Variants in CPPED1 observed in about 807,000 individuals in gnomAD.
CPPED1 encodes serine/threonine-protein phosphatase CPPED1.
A neutral mutation model predicts 28.0 loss-of-function variants in CPPED1; 28 were observed. That is an observed-to-expected ratio of 1.00 (90% CI 0.74 to 1.37). The LOEUF (loss-of-function observed/expected upper bound fraction) is 1.37. CPPED1 is among the 40% of genes most tolerant of loss of function. The pLI is 0.00. For synonymous variants in CPPED1, 198 were observed against 180.2 expected (o/e 1.10, Z -0.79); for missense variants, 504 against 416.5 (o/e 1.21, Z -1.83).
chr16:12,775,177 T>A (rs1432027644), intron 2 of CPPED1, among the ~76,000 whole-genome samples: 2 of 152,138 alleles, frequency 1.3e-5, no homozygotes, highest in African/African-American at 4.8e-5. Context: ...CCTCCCCATG[T>A]GATGTTCTGT....
At chr16:12,763,138 A>G (rs920563577) in intron 2 of CPPED1, among the ~76,000 whole-genome samples, 1 of 151,524 alleles carries the variant, frequency 6.6e-6, no homozygotes, top group Admixed American at 6.6e-5. Context: ...AGGCTGAGGC[A>G]GGAGAATTGC....
chr16:12,690,341 C>T (rs1567276717), intron 3 of CPPED1, among the ~76,000 whole-genome samples: 1 of 151,398 alleles, frequency 6.6e-6, no homozygotes, highest in Non-Finnish European at 1.5e-5. Context: ...CGGTGAAACC[C>T]AGTCTTTATT....
intron 3 of CPPED1, among the ~76,000 whole-genome samples, chr16:12,681,841 C>A (rs1411295284): frequency 6.6e-6 from 1 of 152,100 alleles, no homozygotes; most frequent in African/African-American, 2.4e-5. Context: ...GACTTAGAAT[C>A]AGAAAGGACA....
At chr16:12,720,967 T>C (rs978853304) in intron 2 of CPPED1, among the ~76,000 whole-genome samples, 2 of 152,218 alleles carry the variant, frequency 1.3e-5, no homozygotes, top group African/African-American at 4.8e-5. Context: ...ATGAATGGCA[T>C]GTTGCCATAG....
intron 2 of CPPED1, among the ~76,000 whole-genome samples, chr16:12,715,252 C>A (rs1212688592): frequency 6.6e-6 from 1 of 152,128 alleles, no homozygotes; most frequent in African/African-American, 2.4e-5. Flanking sequence ...TCTTCCTTTT[C>A]AAGGTTGTTT....
chr16:12,791,570 G>A (rs748546661), intron 1 of CPPED1, among the ~76,000 whole-genome samples: 4 of 152,148 alleles, frequency 2.6e-5, no homozygotes, highest in Non-Finnish European at 5.9e-5. Flanking sequence ...CCCTGCAGCA[G>A]CCCCACCTTA....
intron 3 of CPPED1, among the ~76,000 whole-genome samples, chr16:12,701,273 T>C (rs1045413728): frequency 6.6e-6 from 1 of 151,864 alleles, no homozygotes; most frequent in Non-Finnish European, 1.5e-5. Flanking sequence ...CTCACACCCG[T>C]AATTCCAGCA....
At chr16:12,750,857 A>G (rs2080323378) in intron 2 of CPPED1, among the ~76,000 whole-genome samples, 1 of 151,940 alleles carries the variant, frequency 6.6e-6, no homozygotes, top group South Asian at 2.1e-4. Flanking sequence ...TATACCAGCT[A>G]CTCGGGAGGC....
intron 2 of CPPED1, among the ~76,000 whole-genome samples, chr16:12,744,573 C>T (rs8059402): frequency 0.57 from 85,920 of 151,890 alleles, 24,478 homozygotes; most frequent in Admixed American, 0.62. Flanking sequence ...CTACAGGCGT[C>T]GGACTGCAGG....
intron 3 of CPPED1, among the ~76,000 whole-genome samples, chr16:12,691,025 C>T (rs967543761): frequency 2.6e-5 from 4 of 152,204 alleles, no homozygotes; most frequent in Non-Finnish European, 4.4e-5. Flanking sequence ...CCCGTGCCCA[C>T]GGTGCATTCT....
At chr16:12,802,891 G>A (rs2080669085) in intron 1 of CPPED1, among the ~76,000 whole-genome samples, 1 of 152,212 alleles carries the variant, frequency 6.6e-6, no homozygotes, top group Non-Finnish European at 1.5e-5. Context: ...ACACAAGCCT[G>A]ATCATATAGG....
intron 2 of CPPED1, among the ~76,000 whole-genome samples, chr16:12,716,592 T>C (rs76938958): frequency 0.034 from 5,159 of 152,332 alleles, 128 homozygotes; most frequent in East Asian, 0.1. Context: ...ACTTCAGTCC[T>C]ATTTGGGATT....
chr16:12,793,355 G>T (rs1003617570), intron 1 of CPPED1, among the ~76,000 whole-genome samples: 2 of 152,196 alleles, frequency 1.3e-5, no homozygotes, highest in Non-Finnish European at 2.9e-5. Context: ...TAAGTCACCA[G>T]AAGGCTGGAG....
In CPPED1 at chr16:12,712,377, A is replaced by AG. The variant is rs748275417; in HGVS notation, c.290-7329dup. 9.8e-5 allele frequency among the ~76,000 whole-genome samples: 15 copies of AG among 152,286 alleles called. No homozygotes were observed. The East Asian group carries it at 1.7e-3, about 18-fold the overall frequency. On this transcript the variant is annotated intron_variant, in intron 2 of 3. Coordinates refer to ENST00000381774, the MANE Select transcript of CPPED1 (RefSeq NM_018340.3). ...TCAGGGGGCAAGTAGAACTCCTTTC[A>AG]GGGGGGAATTGGAAATATCCATTTA...
At chr16:12,708,478 C>T (rs531913662) in intron 2 of CPPED1, among the ~76,000 whole-genome samples, 1 of 152,324 alleles carries the variant, frequency 6.6e-6, no homozygotes, top group East Asian at 1.9e-4. Context: ...TTCCACATCC[C>T]ATCCCCCTAA....
At chr16:12,736,233 T>C (rs2080226108) in intron 2 of CPPED1, among the ~76,000 whole-genome samples, 1 of 151,896 alleles carries the variant, frequency 6.6e-6, no homozygotes, top group Non-Finnish European at 1.5e-5. Context: ...GAAGAAAAGG[T>C]TAAACACCTT....
At chr16:12,744,691 A>C (rs1430792090) in intron 2 of CPPED1, among the ~76,000 whole-genome samples, 2 of 152,168 alleles carry the variant, frequency 1.3e-5, no homozygotes, top group Admixed American at 1.3e-4. Context: ...AAGAGTTTGA[A>C]GGACAGAAGC....
At chr16:12,691,638 A>G (rs1184575068) in intron 3 of CPPED1, among the ~76,000 whole-genome samples, 2 of 152,158 alleles carry the variant, frequency 1.3e-5, no homozygotes, top group Non-Finnish European at 2.9e-5. Flanking sequence ...CAGCCATAAA[A>G]AATGATGAGT....
chr16:12,702,847 A>G (rs2080027622), intron 3 of CPPED1, among the ~76,000 whole-genome samples: 1 of 151,954 alleles, frequency 6.6e-6, no homozygotes, highest in Non-Finnish European at 1.5e-5. Context: ...AACTGTCTCT[A>G]CTAAAAATAC....
Sources: allele counts gnomAD v4.1 joint callset (sites outside exome capture counted in the v4.1 genomes callset), GRCh38; gene constraint gnomAD v4.1.1; transcripts MANE v1.5; gene names NCBI Gene and HGNC (gene_info 2026-07-23, HGNC 2026-07-21).